ADGRF1: variants seen among roughly 807,000 people sequenced by gnomAD.
ADGRF1 encodes adhesion G protein-coupled receptor F1.
A neutral mutation model predicts 87.2 loss-of-function variants in ADGRF1; 85 were observed. The observed-to-expected ratio is 0.97, with a 90% CI of 0.82 to 1.17. ADGRF1 has a LOEUF of 1.17. Ranked by LOEUF, ADGRF1 falls within the 50% of genes most tolerant of loss-of-function variation. ADGRF1 has a pLI of 0.00. For missense variants in ADGRF1, 1,169 were observed against 1,077.2 expected, an observed-to-expected ratio of 1.09 and a Z score of -1.19; for synonymous variants, 430 against 408.8, an observed-to-expected ratio of 1.05 and a Z score of -0.63.
chr6:47,035,561 A>C (rs927556281), intron 1 of ADGRF1, among the ~76,000 whole-genome samples: 1 of 152,324 alleles, frequency 6.6e-6, no homozygotes, highest in African/African-American at 2.4e-5. Context: ...TTCATTTCAC[A>C]ATTGCAGAAA....
At chr6:47,022,423 A>G (rs868096473) in intron 5 of ADGRF1, among the ~76,000 whole-genome samples, 9 of 152,228 alleles carry the variant, frequency 5.9e-5, no homozygotes, top group Non-Finnish European at 2.9e-5. Flanking sequence ...TAACAGCAAC[A>G]CTACTTGCTA....
At chr6:47,000,721 G>A (rs893980773) in intron 14 of ADGRF1, among the ~76,000 whole-genome samples, 1 of 152,190 alleles carries the variant, frequency 6.6e-6, no homozygotes, top group East Asian at 1.9e-4. Flanking sequence ...ACATTCTCCA[G>A]ACACTTGAAC....
In ADGRF1 at chr6:46,998,564, G is replaced by A. The variant is rs1779273018; in HGVS notation, c.*1658C>T. On this transcript the variant is annotated 3_prime_UTR_variant, in exon 15 of 15. Coordinates refer to ENST00000371253, the MANE Select transcript of ADGRF1 (RefSeq NM_153840.4). Reference sequence around the variant, plus strand: ...ACTCATTCAGGGCTCTACTACCGGAGCTGTGGCCACAATTCTAGGCAAGAA... The same window carrying A: ...ACTCATTCAGGGCTCTACTACCGGAACTGTGGCCACAATTCTAGGCAAGAA... The A allele has an allele frequency of 6.6e-6, 1 of 152,242 alleles. No individual in the cohort carries two copies. The highest frequency in any genetic ancestry group is 2.1e-4 in the South Asian group (1 of 4,826). 9.4% of individuals were successfully genotyped at this position (152,242 alleles called of 1,614,324 possible).
At position 47,024,280 on chromosome 6, in the gene ADGRF1, G is replaced by A. The variant is rs556845822; in HGVS notation, c.278-63C>T. ...TTTATAAACTGACTACTGCTGAGCA[G>A]TGATTTTATTTTATATATGTTTATT... On this transcript the variant is annotated intron_variant, in intron 4 of 14. Transcript: ENST00000371253. 2,619 of 1,168,080 alleles carry A rather than the reference G, an allele frequency of 2.2e-3. 62 individuals carry two copies. The South Asian group carries it at 0.03, about 14-fold the overall frequency. 72.4% of individuals were successfully genotyped at this position (1,168,080 alleles called of 1,614,324 possible). A position where few individuals can be genotyped will look rare whatever the true frequency, so the allele number is the denominator to read the frequency against.
intron 11 of ADGRF1, among the ~76,000 whole-genome samples, 184 bp from the exon 12 acceptor site, chr6:47,007,478 C>A (rs1441010902): frequency 1.3e-5 from 2 of 152,152 alleles, no homozygotes; most frequent in Non-Finnish European, 1.5e-5. Flanking sequence ...TGGCACTATG[C>A]AAAGCACTCA....
rs1027844036 is a variant in ADGRF1, at chr6:47,018,654, G to A, written c.612-1886C>T. ...AATCTGGGCATGGTGACTCATGCCT[G>A]TAATCCCAGCACTTTGGGAGGCCAA... On this transcript the variant is annotated intron_variant, in intron 7 of 14. Coordinates refer to ENST00000371253, the MANE Select transcript of ADGRF1 (RefSeq NM_153840.4). 9.6e-6 allele frequency: 12 copies of A among 1,249,436 alleles called. No individual in the cohort carries two copies. The African/African-American group carries it at 1.8e-4, about 19-fold the overall frequency. 77.4% of individuals were successfully genotyped at this position (1,249,436 alleles called of 1,614,324 possible).
intron 1 of ADGRF1, among the ~76,000 whole-genome samples, chr6:47,040,628 C>T (rs2113915753): frequency 6.6e-6 from 1 of 152,266 alleles, no homozygotes; most frequent in East Asian, 1.9e-4. Context: ...ATGCCACTCC[C>T]CCACTTTCTG....
chr6:47,017,339 T>A (rs2113889829), intron 7 of ADGRF1: 1 of 152,364 alleles, frequency 6.6e-6, no homozygotes, highest in Non-Finnish European at 1.5e-5. Flanking sequence ...TCATAAGATT[T>A]ATCTTTTTAA....
At chr6:47,012,669 C>A in intron 9 of ADGRF1, 2 of 986,142 alleles carry the variant, frequency 2.0e-6, no homozygotes, top group Non-Finnish European at 2.4e-6. Context: ...TTATGTTCAC[C>A]ACGCTACACT....
chr6:47,039,835 G>T (rs1290051275), intron 1 of ADGRF1, among the ~76,000 whole-genome samples: 4 of 152,114 alleles, frequency 2.6e-5, no homozygotes, highest in Non-Finnish European at 4.4e-5. Context: ...AGTGGCAGAT[G>T]CCTGTAATCC....
At position 47,000,300 on chromosome 6, in the gene ADGRF1, A is replaced by AG. The variant is rs764841204; in HGVS notation, c.2660-6dup. 3.8e-6 allele frequency: 6 copies of AG among 1,584,138 alleles called. No homozygotes were observed. The highest frequency in any genetic ancestry group is 5.2e-6 in the Non-Finnish European group (6 of 1,158,934). On this transcript the variant is annotated splice_region_variant and splice_polypyrimidine_tract_variant and intron_variant, in intron 14 of 14. Coordinates refer to ENST00000371253, the MANE Select transcript of ADGRF1 (RefSeq NM_153840.4). ...TATGAGAAAATGCATAATGGCCTGA[A>AG]GGGGAAAAAAAAAGGAAATAATTAT...
At position 46,999,106 on chromosome 6, in the gene ADGRF1, G is replaced by A. The variant is rs1779288239; in HGVS notation, c.*1116C>T. On this transcript the variant is annotated 3_prime_UTR_variant, in exon 15 of 15. Coordinates refer to ENST00000371253, the MANE Select transcript of ADGRF1 (RefSeq NM_153840.4). Reference sequence around the variant, plus strand: ...ATGGTCACGGCTGAAACTCAGGTAGGTGAGCCAAATGTGATGGAAGTATGG... The same window carrying A: ...ATGGTCACGGCTGAAACTCAGGTAGATGAGCCAAATGTGATGGAAGTATGG... 6.6e-6 allele frequency: 1 copy of A among 152,252 alleles called. No individual in the cohort carries two copies. Among genetic ancestry groups the A allele is most frequent in the African/African-American group, 2.4e-5 (1 of 41,454 alleles). The allele number at this position is 152,252 out of a possible 1,614,324, so 9.4% of individuals were successfully genotyped here. A position where few individuals can be genotyped will look rare whatever the true frequency, so the allele number is the denominator to read the frequency against.
intron 10 of ADGRF1, among the ~76,000 whole-genome samples, chr6:47,010,692 A>G (rs1356149766): frequency 6.6e-6 from 1 of 152,210 alleles, no homozygotes; most frequent in African/African-American, 2.4e-5. Context: ...AAAGATGCAG[A>G]CACTACTTTG....
At chr6:47,018,742 C>T in intron 7 of ADGRF1, 2 of 290,012 alleles carry the variant, frequency 6.9e-6, no homozygotes, top group South Asian at 3.8e-5. Context: ...TGAAACCCTT[C>T]TTTATTTTTT....
At chr6:47,007,129 A>T in intron 12 of ADGRF1, 124 bp downstream of exon 12, 1 of 537,962 alleles carries the variant, frequency 1.9e-6, no homozygotes, top group Non-Finnish European at 3.3e-6. Flanking sequence ...CTAAAAGCAC[A>T]GAATTTTATT....
chr6:47,017,956 TA>T (rs1779931445), intron 7 of ADGRF1: 1 of 158,810 alleles, frequency 6.3e-6, no homozygotes, highest in African/African-American at 2.4e-5. Context: ...TATACCTCAA[TA>T]AAAGAAATTA....
In ADGRF1 at chr6:47,027,779, A is replaced by AG. The variant is rs397771615; in HGVS notation, c.70-19_70-18insC. 7.1e-7 allele frequency: 1 copy of AG among 1,405,276 alleles called. No individual in the cohort carries two copies. Among genetic ancestry groups the AG allele is most frequent in the African/African-American group, 1.4e-5 (1 of 70,768 alleles). 87.1% of individuals were successfully genotyped at this position (1,405,276 alleles called of 1,614,324 possible). Reference sequence around the variant, plus strand: ...TCATTTTTCTGTTAAAAAGAAAAAAAATAGTTACGGTGAGACTTTGAAGAG... The same window carrying AG: ...TCATTTTTCTGTTAAAAAGAAAAAAAGATAGTTACGGTGAGACTTTGAAGAG... On this transcript the variant is annotated intron_variant, in intron 2 of 14. Transcript: ENST00000371253.
Position 47,014,703 on chromosome 6 carries a change from G to A in ADGRF1, c.905C>T (p.Ser302Phe). 1 of 1,613,660 alleles carries A rather than the reference G, an allele frequency of 6.2e-7. No homozygotes were observed. Among genetic ancestry groups the A allele is most frequent in the Non-Finnish European group, 8.5e-7 (1 of 1,179,894 alleles). ...WQVIRETCVL[S>F]LLEELNKNFS... ...CACCTTGTTCAGTTCTTCAAGCAGA[G>A]AGAGCACACAAGTCTCCCTGATGAC... Residue 302 changes from serine to phenylalanine, a missense_variant, in exon 9 of 15, where the codon TCT becomes TTT. By Grantham distance (155) the Ser-to-Phe change is radical. Coordinates refer to ENST00000371253, the MANE Select transcript of ADGRF1 (RefSeq NM_153840.4).
At chr6:47,016,018 G>A (rs534363564) in intron 8 of ADGRF1, among the ~76,000 whole-genome samples, 109 of 152,168 alleles carry the variant, frequency 7.2e-4, no homozygotes, top group Middle Eastern at 3.4e-3. Flanking sequence ...GATTATAGAC[G>A]TGAGCCACTG....
Sources: gnomAD v4.1 joint callset for allele counts (sites outside exome capture counted in the v4.1 genomes callset) on GRCh38, gnomAD v4.1.1 for gene constraint, MANE v1.5 for transcripts, NCBI Gene and HGNC (gene_info 2026-07-23, HGNC 2026-07-21) for gene names.